The following HECW1 variants were observed in gnomAD, a reference collection of about 807,000 sequenced individuals.
HECW1 encodes the protein HECT, C2 and WW domain containing E3 ubiquitin protein ligase 1, also known as E3 ubiquitin-protein ligase HECW1.
A neutral mutation model predicts 182.3 loss-of-function variants in HECW1; 61 were observed. The ratio of observed to expected loss-of-function variants is 0.33; its 90% confidence interval spans 0.27 to 0.41. The LOEUF (loss-of-function observed/expected upper bound fraction) is 0.41, where lower values mean the gene tolerates loss of function less well. Among genes scored for constraint, HECW1 ranks in the 10% least tolerant of loss-of-function variants. The pLI is 1.00. For missense variants in HECW1, 1,739 were observed against 2,108.9 expected (o/e 0.82, Z 3.44); for synonymous variants, 859 against 832.6 (o/e 1.03, Z -0.55).
At chr7:43,521,224 C>T (rs1162732922) in intron 24 of HECW1, among the ~76,000 whole-genome samples, 1 of 152,126 alleles carries the variant, frequency 6.6e-6, no homozygotes, top group Non-Finnish European at 1.5e-5. Context: ...ACGATGAGGG[C>T]AGAGTCATGA....
chr7:43,401,567 G>GTGTTTT (rs373963162), intron 7 of HECW1, among the ~76,000 whole-genome samples: 1 of 123,188 alleles, frequency 8.1e-6, no homozygotes, highest in Non-Finnish European at 1.6e-5. Flanking sequence ...ATTTAAAAAG[G>GTGTTTT]TTTTTTTTTT....
chr7:43,468,401 G>A lies in HECW1; in HGVS notation c.2914-519G>A, dbSNP rs528984591. 5.9e-5 allele frequency among the ~76,000 whole-genome samples: 9 copies of A among 152,292 alleles called. No individual in the cohort carries two copies. In the South Asian group the frequency reaches 1.9e-3, roughly 32 times the overall value. The stretch of plus-strand genomic sequence containing the variant: ...AGGAGAGCCAGGCATGGCTGAGACA[G>A]CGAGAAAACCATGTGGAGTCGCACA... On this transcript the variant is annotated intron_variant, in intron 15 of 29. Coordinates refer to ENST00000395891, the MANE Select transcript of HECW1 (RefSeq NM_015052.5).
chr7:43,480,238 T>A (rs192477045), intron 17 of HECW1, among the ~76,000 whole-genome samples: 43 of 152,206 alleles, frequency 2.8e-4, no homozygotes, highest in Non-Finnish European at 4.6e-4. Flanking sequence ...CGCTCTACAA[T>A]GTGCTCTTTC....
chr7:43,561,893 A>C lies in HECW1; in HGVS notation c.4788A>C (p.Ala1596=). The change falls in exon 30 of 30, where the codon GCA becomes GCC. Residue 1596 remains alanine, a synonymous_variant. Transcript: ENST00000395891. The part of the protein sequence containing the change: ...YSMLYEKLLT[A]VEETSTFGLE The stretch of plus-strand genomic sequence containing the variant: ...TGTTGTATGAAAAGCTGTTAACAGC[A>C]GTAGAGGAAACCAGCACCTTTGGAC... 1 of 1,613,550 alleles carries C rather than the reference A, an allele frequency of 6.2e-7. No individual in the cohort carries two copies. The highest frequency in any genetic ancestry group is 8.5e-7 in the Non-Finnish European group (1 of 1,179,410).
At chr7:43,530,272 A>G (rs942814911) in intron 24 of HECW1, among the ~76,000 whole-genome samples, 1 of 151,680 alleles carries the variant, frequency 6.6e-6, no homozygotes, top group African/African-American at 2.4e-5. Flanking sequence ...CTTTACTGTA[A>G]TCGACACTTT....
chr7:43,191,083 A>G (rs1221746634), intron 2 of HECW1, among the ~76,000 whole-genome samples: 1 of 152,220 alleles, frequency 6.6e-6, no homozygotes, highest in East Asian at 1.9e-4. Flanking sequence ...AGTTTACTAA[A>G]TCAATATAAA....
Position 43,220,801 on chromosome 7 carries a change from G to T in HECW1, c.-31-23074G>T, listed in dbSNP as rs535001730. 7.9e-5 allele frequency among the ~76,000 whole-genome samples: 12 copies of T among 152,292 alleles called. No individual in the cohort carries two copies. In the East Asian group the frequency reaches 2.1e-3, roughly 27 times the overall value. ...GCCACCAATCCCTTCCACCCCCATG[G>T]CCTGCCCTGGAACAAAGGAGAGAAG... On this transcript the variant is annotated intron_variant, in intron 2 of 29. Coordinates refer to ENST00000395891, the MANE Select transcript of HECW1 (RefSeq NM_015052.5).
chr7:43,438,347 A>T, intron 9 of HECW1: 1 of 457,812 alleles, frequency 2.2e-6, no homozygotes, highest in Non-Finnish European at 3.8e-6. Flanking sequence ...TTTTCACTTG[A>T]TGTGTAACAC....
chr7:43,264,781 T>C (rs915951002), intron 3 of HECW1, among the ~76,000 whole-genome samples: 7 of 150,544 alleles, frequency 4.6e-5, no homozygotes, highest in Non-Finnish European at 1.0e-4. Context: ...GAGGCGGAGC[T>C]TGCAGTGAGC....
intron 17 of HECW1, among the ~76,000 whole-genome samples, chr7:43,483,186 A>G (rs1167818637): frequency 2.0e-5 from 3 of 152,150 alleles, no homozygotes; most frequent in African/African-American, 7.2e-5. Flanking sequence ...TGAGGAAAGT[A>G]ATTGATTCAT....
intron 13 of HECW1, among the ~76,000 whole-genome samples, chr7:43,462,516 AAG>A (rs2077622438): frequency 6.6e-6 from 1 of 151,928 alleles, no homozygotes; most frequent in Admixed American, 6.5e-5. Context: ...GAAAAGAAAA[AAG>A]AAATGCACAT....
At chr7:43,407,869 G>A (rs1562942728) in intron 8 of HECW1, 138 bp downstream of exon 8, 2 of 756,178 alleles carry the variant, frequency 2.6e-6, no homozygotes, top group Non-Finnish European at 4.2e-6. Flanking sequence ...TTAGAAGGGA[G>A]CCATGTTCTC....
At chr7:43,473,246 G>A (rs1425112278) in intron 16 of HECW1, among the ~76,000 whole-genome samples, 1 of 152,118 alleles carries the variant, frequency 6.6e-6, no homozygotes, top group African/African-American at 2.4e-5. Flanking sequence ...AGCAGCCTGG[G>A]GCTTTCACCA....
At chr7:43,300,064 G>A (rs191661669) in intron 3 of HECW1, among the ~76,000 whole-genome samples, 45 of 152,314 alleles carry the variant, frequency 3.0e-4, no homozygotes, top group Admixed American at 2.4e-3. Flanking sequence ...TCTTTGCCTC[G>A]TTGTGATTTC....
chr7:43,284,997 G>T (rs970052686), intron 3 of HECW1, among the ~76,000 whole-genome samples: 1 of 102,058 alleles, frequency 9.8e-6, no homozygotes, highest in African/African-American at 4.9e-5. Flanking sequence ...TTTCTGTATG[G>T]ATTTTTTTTT....
chr7:43,416,969 T>TG (rs2076028892), intron 8 of HECW1, among the ~76,000 whole-genome samples: 1 of 152,158 alleles, frequency 6.6e-6, no homozygotes, highest in African/African-American at 2.4e-5. Context: ...CAGATGGAAA[T>TG]GCAGAAATCA....
intron 6 of HECW1, among the ~76,000 whole-genome samples, chr7:43,363,560 T>C (rs1176669596): frequency 6.6e-6 from 1 of 152,158 alleles, no homozygotes; most frequent in Non-Finnish European, 1.5e-5. Flanking sequence ...GAGAGCTCGA[T>C]CGCATAGCCC....
chr7:43,346,967 C>G (rs989781285), intron 5 of HECW1, among the ~76,000 whole-genome samples: 1 of 152,136 alleles, frequency 6.6e-6, no homozygotes, highest in African/African-American at 2.4e-5. Flanking sequence ...CTTGCATTGG[C>G]TATGTGGGCT....
intron 20 of HECW1, among the ~76,000 whole-genome samples, 199 bp from the exon 21 acceptor site, chr7:43,501,014 G>C (rs1256688136): frequency 1.3e-5 from 2 of 152,114 alleles, no homozygotes; most frequent in African/African-American, 4.8e-5. Context: ...CTTTGTTGTA[G>C]GATTAATCAA....
Sources: gnomAD v4.1 joint callset for allele counts (sites outside exome capture counted in the v4.1 genomes callset) on GRCh38, gnomAD v4.1.1 for gene constraint, MANE v1.5 for transcripts, NCBI Gene and HGNC (gene_info 2026-07-23, HGNC 2026-07-21) for gene names.